The following C1orf105 variants were observed in gnomAD, a reference collection of about 807,000 sequenced individuals.
C1orf105 encodes chromosome 1 open reading frame 105, also known as uncharacterized protein C1orf105.
In C1orf105, 17 loss-of-function variants were observed where a neutral mutation model predicts 20.8. The ratio of observed to expected loss-of-function variants is 0.82; its 90% CI spans 0.56 to 1.23. The LOEUF (loss-of-function observed/expected upper bound fraction) is 1.23, where lower values mean the gene tolerates loss of function less well. C1orf105 is among the 50% of genes most tolerant of loss of function. The pLI, the probability that C1orf105 is intolerant of heterozygous loss-of-function variation, is 0.00. For synonymous variants in C1orf105, 72 were observed against 72.1 expected, an observed-to-expected ratio of 1.00 and a Z score of 0.01; for missense variants, 219 against 213.5, an observed-to-expected ratio of 1.03 and a Z score of -0.16.
intron 2 of C1orf105, among the ~76,000 whole-genome samples, chr1:172,447,928 T>C (rs1468592369): frequency 6.6e-6 from 1 of 152,188 alleles, no homozygotes; most frequent in Non-Finnish European, 1.5e-5. Context: ...GGAACTGGTG[T>C]TCTTGCAACA....
intron 4 of C1orf105, among the ~76,000 whole-genome samples, chr1:172,460,004 A>ACG (rs1649575335): frequency 6.6e-6 from 1 of 152,176 alleles, no homozygotes; most frequent in African/African-American, 2.4e-5. Flanking sequence ...AGGAAAATTC[A>ACG]GAGACAGAAA....
At chr1:172,463,849 G>A (rs1022288912) in intron 5 of C1orf105, among the ~76,000 whole-genome samples, 1 of 152,202 alleles carries the variant, frequency 6.6e-6, no homozygotes, top group Non-Finnish European at 1.5e-5. Flanking sequence ...GACGTATCAT[G>A]AGATTGATTG....
At position 172,451,765 on chromosome 1, in the gene C1orf105, C is replaced by T. The variant is rs571307711; in HGVS notation, c.198+3234C>T. 3.3e-5 allele frequency among the ~76,000 whole-genome samples: 5 copies of T among 149,720 alleles called. No homozygotes were observed. The South Asian group carries it at 1.0e-3, about 31-fold the overall frequency. ...GGCTGATATTTTCAGATAGAAGGAACATGTGTAATATCATAAGGTTTTTTT... is the reference window on the plus strand; with the variant it reads ...GGCTGATATTTTCAGATAGAAGGAATATGTGTAATATCATAAGGTTTTTTT... On this transcript the variant is annotated intron_variant, in intron 3 of 6. Coordinates refer to ENST00000367727, the MANE Select transcript of C1orf105 (RefSeq NM_139240.4).
chr1:172,442,493 G>A lies in C1orf105; in HGVS notation c.22-2580G>A, dbSNP rs780133751. ...ACCACAGCCCAATATTGGTATTTCC[G>A]AGCATGGATGTTTTTCCGGAGCTCT... On this transcript the variant is annotated intron_variant, in intron 1 of 6. Transcript: ENST00000367727. 18 of 1,614,156 alleles carry A rather than the reference G, an allele frequency of 1.1e-5. No individual in the cohort carries two copies. The East Asian group carries it at 2.7e-4, about 24-fold the overall frequency.
chr1:172,439,786 T>C (rs72725208), intron 1 of C1orf105, among the ~76,000 whole-genome samples: 11,962 of 152,206 alleles, frequency 0.079, 616 homozygotes, highest in African/African-American at 0.15. Flanking sequence ...AAAACTACAA[T>C]TTCATAGAAC....
At chr1:172,442,651 T>A in intron 1 of C1orf105, 19 of 1,579,870 alleles carry the variant, frequency 1.2e-5, no homozygotes, top group Non-Finnish European at 1.6e-5. Flanking sequence ...CAGGCCAGTT[T>A]AATCATCGCC....
intron 1 of C1orf105, chr1:172,442,333 T>G (rs528332673): frequency 6.2e-7 from 1 of 1,613,110 alleles, no homozygotes; most frequent in East Asian, 2.2e-5. Flanking sequence ...AAACAAAACA[T>G]ACCCAATCAG....
chr1:172,431,320 C>G (rs1167282776), intron 1 of C1orf105: 5 of 408,242 alleles, frequency 1.2e-5, no homozygotes, highest in African/African-American at 1.0e-4. Flanking sequence ...CTAAAAGAGC[C>G]TTACTGTTAA....
intron 1 of C1orf105, chr1:172,443,358 T>G (rs535487688): frequency 6.0e-6 from 1 of 167,070 alleles, no homozygotes; most frequent in East Asian, 1.9e-4. Flanking sequence ...AAAGGCATGT[T>G]ATTTGTATTT....
At position 172,441,391 on chromosome 1, in the gene C1orf105, A is replaced by ACT. The variant is rs1553259490; in HGVS notation, c.22-3681_22-3680dup. 3.1e-3 allele frequency: 544 copies of ACT among 174,332 alleles called. 10 individuals carry two copies. The highest frequency in any genetic ancestry group is 4.5e-3 in the Non-Finnish European group (394 of 86,764). The allele number at this position is 174,332 out of a possible 1,614,324, so 10.8% of individuals were successfully genotyped here. The stretch of plus-strand genomic sequence containing the variant: ...CACACACACACACACACACACACAC[A>ACT]CTTACTTCACTCTTCATGCCCCTCT... On this transcript the variant is annotated intron_variant, in intron 1 of 6. Coordinates refer to ENST00000367727, the MANE Select transcript of C1orf105 (RefSeq NM_139240.4).
intron 1 of C1orf105, among the ~76,000 whole-genome samples, chr1:172,441,197 C>T (rs1265328346): frequency 1.3e-5 from 2 of 152,256 alleles, no homozygotes; most frequent in East Asian, 3.9e-4. Flanking sequence ...GATATGCTTC[C>T]CTAAGAACAA....
At chr1:172,426,440 G>A (rs1278477846) in intron 1 of C1orf105, among the ~76,000 whole-genome samples, 2 of 151,882 alleles carry the variant, frequency 1.3e-5, no homozygotes, top group Non-Finnish European at 2.9e-5. Flanking sequence ...GATGATTTTA[G>A]CTCCTGTTTC....
intron 1 of C1orf105, among the ~76,000 whole-genome samples, chr1:172,429,398 T>C (rs1282162486): frequency 1.3e-5 from 2 of 152,236 alleles, no homozygotes; most frequent in Admixed American, 6.5e-5. Flanking sequence ...GACTCATTAA[T>C]TCAGGTGTAG....
chr1:172,431,356 A>C, intron 1 of C1orf105: 1 of 330,922 alleles, frequency 3.0e-6, no homozygotes, highest in Non-Finnish European at 5.4e-6. Context: ...AGTGGTCTGT[A>C]TAAAAGGCTA....
rs1460059408 is a variant in C1orf105 at position 172,465,344 on chromosome 1, C to A, written c.387C>A (p.Phe129Leu). Residue 129 changes from phenylalanine (F) to leucine (L), a missense_variant, in exon 6 of 7, where the codon TTC (phenylalanine) becomes TTA (leucine). Coordinates refer to ENST00000367727, the MANE Select transcript of C1orf105 (RefSeq NM_139240.4). ...AATTCCAGACTACACCTGAGCCTTTCCATGATGACATCCCAACAGGTTTGC... is the reference window on the plus strand; with the variant it reads ...AATTCCAGACTACACCTGAGCCTTTACATGATGACATCCCAACAGGTTTGC... ...QPKFQTTPEP[F>L]HDDIPTESIH... 2 of 1,611,940 alleles carry A rather than the reference C, an allele frequency of 1.2e-6. No homozygotes were observed. Among genetic ancestry groups the A allele is most frequent in the Non-Finnish European group, 1.7e-6 (2 of 1,178,092 alleles).
intron 1 of C1orf105, among the ~76,000 whole-genome samples, chr1:172,431,755 C>T (rs375489471): frequency 1.3e-5 from 2 of 152,318 alleles, no homozygotes; most frequent in African/African-American, 4.8e-5. Flanking sequence ...TGAGTACAGT[C>T]GATGGAGGGT....
intron 3 of C1orf105, among the ~76,000 whole-genome samples, chr1:172,454,469 T>C (rs1409625136): frequency 6.6e-6 from 1 of 151,952 alleles, no homozygotes; most frequent in Non-Finnish European, 1.5e-5. Context: ...GAAGACATGG[T>C]AGAAAGTTGA....
At chr1:172,441,941 A>G (rs760752299) in intron 1 of C1orf105, 1 of 1,614,190 alleles carries the variant, frequency 6.2e-7, no homozygotes, top group Non-Finnish European at 8.5e-7. Context: ...ACCCCCACAT[A>G]GCTCCGGGGA....
chr1:172,461,897 C>G (rs769184973), intron 4 of C1orf105, among the ~76,000 whole-genome samples: 4 of 152,120 alleles, frequency 2.6e-5, no homozygotes, highest in Admixed American at 1.3e-4. Context: ...TGACAGTTAA[C>G]CTGAGACTTG....
Sources: gnomAD v4.1 joint callset for allele counts (sites outside exome capture counted in the v4.1 genomes callset) on GRCh38, gnomAD v4.1.1 for gene constraint, MANE v1.5 for transcripts, NCBI Gene and HGNC (gene_info 2026-07-23, HGNC 2026-07-21) for gene names.